CSMD1: variants seen among roughly 807,000 people sequenced by gnomAD.
The protein encoded by CSMD1 is CUB and Sushi multiple domains 1, also known as CUB and sushi domain-containing protein 1.
CSMD1 carries 213 observed loss-of-function variants against 417.5 expected under a neutral mutation model. That is an observed-to-expected ratio of 0.51 (90% CI 0.46 to 0.57). The LOEUF (loss-of-function observed/expected upper bound fraction) is 0.57, where lower values mean the gene tolerates loss of function less well. Among genes scored for constraint, CSMD1 ranks in the 20% least tolerant of loss-of-function variants. The pLI is 0.00. For synonymous variants in CSMD1, 2,862 were observed against 1,736.8 expected, an observed-to-expected ratio of 1.65 and a Z score of -16.11; for missense variants, 6,923 against 4,529.7, an observed-to-expected ratio of 1.53 and a Z score of -15.17.
At chr8:4,947,126 G>C (rs1022776708) in intron 1 of CSMD1, among the ~76,000 whole-genome samples, 3 of 152,106 alleles carry the variant, frequency 2.0e-5, no homozygotes, top group African/African-American at 4.8e-5. Context: ...GTATCCATCT[G>C]TGCATAAATT....
At chr8:3,292,444 A>G (rs1032817025) in intron 25 of CSMD1, among the ~76,000 whole-genome samples, 4 of 152,050 alleles carry the variant, frequency 2.6e-5, no homozygotes, top group African/African-American at 9.7e-5. Flanking sequence ...GTCTCCCATT[A>G]TTATTGTGTG....
intron 3 of CSMD1, among the ~76,000 whole-genome samples, chr8:4,165,672 G>C (rs976611281): frequency 9.9e-5 from 15 of 152,148 alleles, no homozygotes; most frequent in Non-Finnish European, 1.6e-4. Context: ...CAAAGTGCCG[G>C]AATTACAGGC....
At chr8:3,910,428 T>G (rs1808389169) in intron 5 of CSMD1, among the ~76,000 whole-genome samples, 1 of 152,206 alleles carries the variant, frequency 6.6e-6, no homozygotes, top group Non-Finnish European at 1.5e-5. Flanking sequence ...GCTTAATCCC[T>G]TCATAAAATC....
intron 6 of CSMD1, among the ~76,000 whole-genome samples, chr8:3,736,693 C>A (rs1031699828): frequency 2.0e-5 from 3 of 152,176 alleles, no homozygotes; most frequent in African/African-American, 7.2e-5. Context: ...CAGAATGGAG[C>A]TGGGGATAAG....
At chr8:2,989,807 T>C (rs935457703) in intron 54 of CSMD1, among the ~76,000 whole-genome samples, 4 of 152,240 alleles carry the variant, frequency 2.6e-5, no homozygotes, top group Admixed American at 6.5e-5. Context: ...TCTCTCATTC[T>C]GCAAGAACAA....
At chr8:3,686,201 G>C (rs1344030315) in intron 7 of CSMD1, among the ~76,000 whole-genome samples, 1 of 152,166 alleles carries the variant, frequency 6.6e-6, no homozygotes, top group East Asian at 1.9e-4. Context: ...TTTCTGTGAA[G>C]TTAGAGTGTG....
chr8:3,497,531 G>T (rs931815045), intron 10 of CSMD1, among the ~76,000 whole-genome samples: 1 of 151,944 alleles, frequency 6.6e-6, no homozygotes, highest in Non-Finnish European at 1.5e-5. Flanking sequence ...CACCCTTCTA[G>T]GTATCTGGGA....
intron 40 of CSMD1, among the ~76,000 whole-genome samples, chr8:3,145,059 G>T (rs1818760135): frequency 7.1e-6 from 1 of 141,778 alleles, no homozygotes; most frequent in South Asian, 2.1e-4. Context: ...GTGTGTGTGT[G>T]CATGCATGCA....
At chr8:3,605,738 A>G (rs1314675782) in intron 8 of CSMD1, among the ~76,000 whole-genome samples, 1 of 152,240 alleles carries the variant, frequency 6.6e-6, no homozygotes, top group African/African-American at 2.4e-5. Context: ...TAACATGCAC[A>G]TACCAAGGAC....
chr8:4,038,603 A>G lies in CSMD1; in HGVS notation c.416-6504T>C, dbSNP rs186912850. Reference sequence around the variant, plus strand: ...CTCCCAGAAGTAATGAATACACATGAAGAATTTAGTAAATACCTACTGAGT... The same window carrying G: ...CTCCCAGAAGTAATGAATACACATGGAGAATTTAGTAAATACCTACTGAGT... On this transcript the variant is annotated intron_variant, in intron 3 of 69. Coordinates refer to ENST00000635120, the MANE Select transcript of CSMD1 (RefSeq NM_033225.6). 9.0e-4 allele frequency among the ~76,000 whole-genome samples: 137 copies of G among 152,332 alleles called. 2 individuals carry two copies. The highest frequency in any genetic ancestry group is 3.2e-3 in the African/African-American group (135 of 41,574).
intron 2 of CSMD1, among the ~76,000 whole-genome samples, chr8:4,426,960 T>C (rs571113065): frequency 6.6e-6 from 1 of 152,178 alleles, no homozygotes; most frequent in South Asian, 2.1e-4. Flanking sequence ...GGTCACTGGA[T>C]AAGACTGGCC....
intron 18 of CSMD1, among the ~76,000 whole-genome samples, chr8:3,376,433 G>C (rs923067751): frequency 6.6e-6 from 1 of 151,630 alleles, no homozygotes; most frequent in Non-Finnish European, 1.5e-5. Context: ...TTTTTCTACA[G>C]AACATATATC....
intron 1 of CSMD1, among the ~76,000 whole-genome samples, chr8:4,896,967 A>T (rs1259774792): frequency 6.6e-6 from 1 of 151,958 alleles, no homozygotes; most frequent in East Asian, 1.9e-4. Flanking sequence ...CTCCATTTAC[A>T]TTTCTTTCAT....
chr8:3,698,883 C>T (rs1035365093), intron 7 of CSMD1, among the ~76,000 whole-genome samples: 7 of 152,204 alleles, frequency 4.6e-5, no homozygotes, highest in African/African-American at 1.7e-4. Context: ...ACATAAGCAT[C>T]ATTTGCAATT....
chr8:4,034,541 A>G (rs910720163), intron 3 of CSMD1, among the ~76,000 whole-genome samples: 47 of 152,222 alleles, frequency 3.1e-4, no homozygotes, highest in African/African-American at 1.1e-3. Flanking sequence ...TATAAGGAAG[A>G]AAAACTTTCC....
chr8:4,313,406 G>A (rs1387500962), intron 3 of CSMD1, among the ~76,000 whole-genome samples: 2 of 151,490 alleles, frequency 1.3e-5, no homozygotes, highest in Middle Eastern at 3.2e-3. Flanking sequence ...TGCGTTTAGT[G>A]TGAAGATGCC....
intron 1 of CSMD1, among the ~76,000 whole-genome samples, chr8:4,645,780 G>T (rs764788567): frequency 6.6e-6 from 1 of 152,114 alleles, no homozygotes; most frequent in African/African-American, 2.4e-5. Flanking sequence ...TTTGCCCTGT[G>T]CCTGCCTTTA....
intron 2 of CSMD1, among the ~76,000 whole-genome samples, chr8:4,547,124 C>T (rs1797673306): frequency 6.6e-6 from 1 of 152,134 alleles, no homozygotes; most frequent in Admixed American, 6.6e-5. Flanking sequence ...TCCCCCAGAC[C>T]TGTTTCTAAA....
At chr8:3,282,400 G>C (rs1380262289) in intron 26 of CSMD1, among the ~76,000 whole-genome samples, 1 of 152,160 alleles carries the variant, frequency 6.6e-6, no homozygotes, top group Non-Finnish European at 1.5e-5. Flanking sequence ...AAAATGCCTG[G>C]AGAATACAGA....
Sources: allele counts gnomAD v4.1 joint callset (sites outside exome capture counted in the v4.1 genomes callset), GRCh38; gene constraint gnomAD v4.1.1; transcripts MANE v1.5; gene names NCBI Gene and HGNC (gene_info 2026-07-23, HGNC 2026-07-21).